RIMBP2: variants seen among roughly 807,000 people sequenced by gnomAD.
RIMBP2 encodes RIMS binding protein 2.
In RIMBP2, 48 loss-of-function variants were observed where a neutral mutation model predicts 118.6. The ratio of observed to expected loss-of-function variants is 0.40; its 90% confidence interval spans 0.32 to 0.51. RIMBP2 has a LOEUF of 0.51. Among genes scored for constraint, RIMBP2 ranks in the 20% least tolerant of loss-of-function variants. RIMBP2 has a pLI of 0.41. For synonymous variants in RIMBP2, 762 were observed against 742.9 expected (o/e 1.03, Z -0.42); for missense variants, 1,551 against 1,768.3 (o/e 0.88, Z 2.20).
chr12:130,423,392 C>T (rs951716344), intron 16 of RIMBP2, among the ~76,000 whole-genome samples: 27 of 152,320 alleles, frequency 1.8e-4, no homozygotes, highest in Admixed American at 1.0e-3. Flanking sequence ...CGCAAGCACA[C>T]GGCCTCAGAC....
chr12:130,456,359 T>C (rs1043687179), intron 7 of RIMBP2, 137 bp downstream of exon 7: 7 of 700,672 alleles, frequency 1.0e-5, no homozygotes, highest in Non-Finnish European at 1.7e-5. Context: ...CCTGTTCTCA[T>C]CCTTCCCATT....
At chr12:130,423,901 C>T (rs567529523) in intron 16 of RIMBP2, among the ~76,000 whole-genome samples, 2 of 152,204 alleles carry the variant, frequency 1.3e-5, no homozygotes, top group African/African-American at 4.8e-5. Flanking sequence ...TTCAAGCAGC[C>T]ATACTCATTA....
At chr12:130,659,470 G>A (rs1247791952) in intron 1 of RIMBP2, among the ~76,000 whole-genome samples, 1 of 151,430 alleles carries the variant, frequency 6.6e-6, no homozygotes, top group Non-Finnish European at 1.5e-5. Flanking sequence ...CTCGGAGGCT[G>A]AGGCAGGAGA....
At chr12:130,714,855 A>C (rs1015271431) in intron 1 of RIMBP2, among the ~76,000 whole-genome samples, 6 of 152,146 alleles carry the variant, frequency 3.9e-5, no homozygotes, top group Non-Finnish European at 8.8e-5. Context: ...ATGAGTCTGA[A>C]GCTGATTCCC....
At chr12:130,669,565 AC>A (rs1408102749) in intron 1 of RIMBP2, among the ~76,000 whole-genome samples, 7 of 151,932 alleles carry the variant, frequency 4.6e-5, no homozygotes, top group African/African-American at 1.5e-4. Context: ...CTCTCCTGCC[AC>A]CCTGTGAGAA....
chr12:130,580,350 G>C (rs1461145072), intron 2 of RIMBP2, among the ~76,000 whole-genome samples: 2 of 152,172 alleles, frequency 1.3e-5, no homozygotes, highest in Non-Finnish European at 2.9e-5. Flanking sequence ...CTGTTCTCAT[G>C]GTGGTGAATA....
At position 130,530,675 on chromosome 12, in the gene RIMBP2, C is replaced by G. The variant is rs375128752; in HGVS notation, c.-216-12758G>C. 4.6e-5 allele frequency among the ~76,000 whole-genome samples: 7 copies of G among 152,274 alleles called. 1 individual carries two copies. Among genetic ancestry groups the G allele is most frequent in the African/African-American group, 1.7e-4 (7 of 41,564 alleles). Reference sequence around the variant, plus strand: ...CCTCCTAGGATTCTGCCACAAATGACAAAGCAATGAAAAATATTTGATTGC... The same window carrying G: ...CCTCCTAGGATTCTGCCACAAATGAGAAAGCAATGAAAAATATTTGATTGC... On this transcript the variant is annotated intron_variant, in intron 2 of 22. Coordinates refer to ENST00000690449, the MANE Select transcript of RIMBP2 (RefSeq NM_001393629.1).
chr12:130,466,555 C>T lies in RIMBP2; in HGVS notation c.153+4138G>A, dbSNP rs1000658699. Among the ~76,000 whole-genome samples, 3 of 152,198 alleles carry T rather than the reference C, an allele frequency of 2.0e-5. No individual in the cohort carries two copies. The East Asian group carries it at 5.8e-4, about 29-fold the overall frequency. On this transcript the variant is annotated intron_variant, in intron 6 of 22. Coordinates refer to ENST00000690449, the MANE Select transcript of RIMBP2 (RefSeq NM_001393629.1). ...AAGGAAAATAAATCTCAGGACCCCA[C>T]AATCACCAAGCCAAAGGGAAGCATG...
rs1191654090 is a variant in RIMBP2, at chr12:130,623,359, G to A, written c.-217+4963C>T. Among the ~76,000 whole-genome samples the A allele has an allele frequency of 1.3e-5, 2 of 152,230 alleles. No individual in the cohort carries two copies. Among genetic ancestry groups the A allele is most frequent in the East Asian group, 3.9e-4 (2 of 5,182 alleles). Reference sequence around the variant, plus strand: ...CTGCACCCATCAGCCTGTCATCTAGGTTTTAAGCCCCACAAGTATTAGGTA... The same window carrying A: ...CTGCACCCATCAGCCTGTCATCTAGATTTTAAGCCCCACAAGTATTAGGTA... On this transcript the variant is annotated intron_variant, in intron 2 of 22. Coordinates refer to ENST00000690449, the MANE Select transcript of RIMBP2 (RefSeq NM_001393629.1). The surrounding 1 kb of genome is among the most constrained non-coding windows in gnomAD (Gnocchi z 4.1).
intron 1 of RIMBP2, among the ~76,000 whole-genome samples, chr12:130,642,265 G>A (rs2062657904): frequency 7.1e-6 from 1 of 141,034 alleles, no homozygotes; most frequent in Non-Finnish European, 1.6e-5. Context: ...CTGGGACTCT[G>A]GGTTTAGTTT....
At position 130,548,551 on chromosome 12, in the gene RIMBP2, T is replaced by C. The variant is rs910220305; in HGVS notation, c.-216-30634A>G. Among the ~76,000 whole-genome samples, 3 of 152,128 alleles carry C rather than the reference T, an allele frequency of 2.0e-5. No homozygotes were observed. In the East Asian group the frequency reaches 5.8e-4, roughly 29 times the overall value. On this transcript the variant is annotated intron_variant, in intron 2 of 22. Transcript: ENST00000690449. ...GGAGACATGCTCATCACAACCTTGC[T>C]GCCTCTTGGACTTTGTGGGTTTTTT...
chr12:130,654,842 A>C (rs1187526693), intron 1 of RIMBP2, among the ~76,000 whole-genome samples: 4 of 152,212 alleles, frequency 2.6e-5, no homozygotes, highest in African/African-American at 9.6e-5. Context: ...GACAAAGAGG[A>C]GCCAGCATGT....
At chr12:130,698,196 G>A (rs771217081) in intron 1 of RIMBP2, among the ~76,000 whole-genome samples, 16 of 152,164 alleles carry the variant, frequency 1.1e-4, no homozygotes, top group Admixed American at 7.9e-4. Flanking sequence ...GGGAGAAGGC[G>A]TGGGCCACAG....
chr12:130,660,869 A>C (rs902478202), intron 1 of RIMBP2, among the ~76,000 whole-genome samples: 2 of 152,212 alleles, frequency 1.3e-5, no homozygotes, highest in Non-Finnish European at 2.9e-5. Context: ...ATGGCCAGGC[A>C]GACTTGTATT....
chr12:130,534,668 G>C (rs1474962461), intron 2 of RIMBP2, among the ~76,000 whole-genome samples: 1 of 152,220 alleles, frequency 6.6e-6, no homozygotes, highest in African/African-American at 2.4e-5. Context: ...GCAGAGGCAT[G>C]AACATAGCTA....
intron 3 of RIMBP2, among the ~76,000 whole-genome samples, chr12:130,510,163 G>A (rs577682109): frequency 2.6e-5 from 4 of 152,192 alleles, no homozygotes; most frequent in African/African-American, 4.8e-5. Flanking sequence ...GCACCGGAAC[G>A]CATTCTCCCA....
intron 1 of RIMBP2, among the ~76,000 whole-genome samples, chr12:130,698,749 G>C (rs2065692757): frequency 6.6e-6 from 1 of 152,058 alleles, no homozygotes; most frequent in Non-Finnish European, 1.5e-5. Context: ...TTAAACTAAA[G>C]AGCTTCTGCA....
At chr12:130,702,472 T>C (rs2065898386) in intron 1 of RIMBP2, among the ~76,000 whole-genome samples, 1 of 149,938 alleles carries the variant, frequency 6.7e-6, no homozygotes, top group Admixed American at 6.7e-5. Flanking sequence ...GCTGAGATCA[T>C]GCCACTGCAC....
chr12:130,625,307 C>G (rs933004905), intron 2 of RIMBP2, among the ~76,000 whole-genome samples: 1 of 152,150 alleles, frequency 6.6e-6, no homozygotes, highest in Non-Finnish European at 1.5e-5. Context: ...GTTTTATTGA[C>G]ATAGAGGGGC....
Sources: gnomAD v4.1 joint callset for allele counts (sites outside exome capture counted in the v4.1 genomes callset) on GRCh38, gnomAD v4.1.1 for gene constraint, Gnocchi (gnomAD v3.1) non-coding constraint, MANE v1.5 for transcripts, NCBI Gene and HGNC (gene_info 2026-07-23, HGNC 2026-07-21) for gene names.